Variants in IFT172 observed in about 807,000 individuals in gnomAD.
IFT172 encodes the protein intraflagellar transport protein 172 homolog.
In IFT172, 164 loss-of-function variants were observed where a neutral mutation model predicts 248.9. That is an observed-to-expected ratio of 0.66 (90% CI 0.58 to 0.75). The LOEUF (loss-of-function observed/expected upper bound fraction) is 0.75. Among genes scored for constraint, IFT172 ranks in the 30% least tolerant of loss-of-function variants. The pLI, the probability that IFT172 is intolerant of heterozygous loss-of-function variation, is 0.00. For synonymous variants in IFT172, 729 were observed against 791.6 expected (o/e 0.92, Z 1.33); for missense variants, 1,950 against 2,192.4 (o/e 0.89, Z 2.21).
chr2:27,470,281 G>C (rs1277039541), intron 16 of IFT172, among the ~76,000 whole-genome samples: 6 of 150,648 alleles, frequency 4.0e-5, no homozygotes, highest in Admixed American at 2.0e-4. Flanking sequence ...AAAAAAAAAA[G>C]AGAGGAAGAA....
chr2:27,464,543 G>C (rs1666937327), intron 18 of IFT172, among the ~76,000 whole-genome samples: 1 of 151,460 alleles, frequency 6.6e-6, no homozygotes, highest in South Asian at 2.1e-4. Context: ...TGAAGGGTAT[G>C]AATAGTAAAA....
chr2:27,453,698 G>A lies in IFT172; in HGVS notation c.3753C>T (p.Asp1251=). The A allele has an allele frequency of 6.2e-7, 1 of 1,612,354 alleles. No homozygotes were observed. Among genetic ancestry groups the A allele is most frequent in the Non-Finnish European group, 8.5e-7 (1 of 1,179,572 alleles). ...GAGCCTCCAGCTGGCTGGGCACATA[G>A]TCCTTGCAGATGCGCAGAGCGTCAC... The part of the protein sequence containing the change: ...LWSDALRICK[D]YVPSQLEALQ... The change falls in exon 34 of 48, where the codon GAC becomes GAT. Residue 1251 remains aspartate (D), a synonymous_variant. Coordinates refer to ENST00000260570, the MANE Select transcript of IFT172 (RefSeq NM_015662.3).
rs752828876 is a variant in IFT172, at chr2:27,453,946, C to T, written c.3711+36G>A. On this transcript the variant is annotated intron_variant, in intron 33 of 47. Transcript: ENST00000260570. Reference sequence around the variant, plus strand: ...CTCTCTGTGGGCTCTTACAAACTCTCCCCCTCCCCTCATGGCCCTGCATCC... The same window carrying T: ...CTCTCTGTGGGCTCTTACAAACTCTTCCCCTCCCCTCATGGCCCTGCATCC... 12 of 1,576,538 alleles carry T rather than the reference C, an allele frequency of 7.6e-6. No homozygotes were observed. In the South Asian group the frequency reaches 1.4e-4, roughly 18 times the overall value.
chr2:27,470,820 G>T, intron 16 of IFT172, 108 bp downstream of exon 16: 2 of 1,073,982 alleles, frequency 1.9e-6, no homozygotes, highest in Non-Finnish European at 1.3e-6. Flanking sequence ...TTCTATCACA[G>T]AGATTAAGGG....
Position 27,454,012 on chromosome 2 carries a change from C to G in IFT172, c.3681G>C (p.Gln1227His), listed in dbSNP as rs1346170761. 1.9e-6 allele frequency: 3 copies of G among 1,613,644 alleles called. No homozygotes were observed. The highest frequency in any genetic ancestry group is 2.5e-6 in the Non-Finnish European group (3 of 1,179,948). The change falls in exon 33 of 48, where the codon CAG (glutamine) becomes CAC (histidine). Residue 1227 changes from glutamine (Q) to histidine (H), a missense_variant. Physicochemically the swap from Gln to His is conservative, Grantham distance 24. Transcript: ENST00000260570. The surrounding 1 kb of genome is among the most constrained non-coding windows in gnomAD (Gnocchi z 4.2). ...QKAEGLLLRA[Q>H]RPGLALNYYK... ...AATAATTGAGGGCCAGGCCTGGTCT[C>G]TGGGCCCGGAGCAGCAGCCCTTCTG...
chr2:27,476,804 TG>T (rs777195262), intron 13 of IFT172, 78 bp from the exon 14 acceptor site: 3 of 808,130 alleles, frequency 3.7e-6, no homozygotes, highest in Non-Finnish European at 6.4e-6. Flanking sequence ...AAGTACCATA[TG>T]GGATGAAGCT....
Position 27,445,109 on chromosome 2 carries a change from T to A in IFT172, c.5069-4A>T. 1 of 1,613,632 alleles carries A rather than the reference T, an allele frequency of 6.2e-7. No individual in the cohort carries two copies. Among genetic ancestry groups the A allele is most frequent in the Non-Finnish European group, 8.5e-7 (1 of 1,179,888 alleles). ...TTGTTCCTCAGAATGGGGTATCCTG[T>A]GGAGGAAGAAAAAATGATGAACTGG... On this transcript the variant is annotated splice_region_variant and splice_polypyrimidine_tract_variant and intron_variant, in intron 46 of 47. Coordinates refer to ENST00000260570, the MANE Select transcript of IFT172 (RefSeq NM_015662.3). This position sits in a 1 kb window ranked among gnomAD's most constrained non-coding sequence, Gnocchi z 4.4.
At chr2:27,484,067 G>A in intron 4 of IFT172, 130 bp from the exon 5 acceptor site, 1 of 1,268,466 alleles carries the variant, frequency 7.9e-7, no homozygotes, top group Non-Finnish European at 1.1e-6. Context: ...GGGCTCTAAG[G>A]AAGACAGCAG....
chr2:27,446,498 G>GT lies in IFT172; in HGVS notation c.4660-144dup, dbSNP rs11430923. 0.36 allele frequency: 209,376 copies of GT among 574,678 alleles called. 28,799 individuals are homozygous for GT. Among genetic ancestry groups the GT allele is most frequent in the African/African-American group, 0.63 (32,018 of 51,112 alleles). 35.6% of individuals were successfully genotyped at this position (574,678 alleles called of 1,614,324 possible). On this transcript the variant is annotated intron_variant, in intron 42 of 47. Coordinates refer to ENST00000260570, the MANE Select transcript of IFT172 (RefSeq NM_015662.3). ...GATTCTCAAGCTGTTCTGGGTCTTA[G>GT]TTTTTTTTTTCTTTTTCTCTGAACA...
At position 27,471,044 on chromosome 2, in the gene IFT172, A is replaced by G; in HGVS notation, c.1576T>C (p.Cys526Arg). 1 of 1,613,080 alleles carries G rather than the reference A, an allele frequency of 6.2e-7. No homozygotes were observed. Among genetic ancestry groups the G allele is most frequent in the Non-Finnish European group, 8.5e-7 (1 of 1,179,752 alleles). Residue 526 changes from cysteine (C) to arginine (R), a missense_variant, in exon 16 of 48, where the codon TGC (cysteine) becomes CGC (arginine). By Grantham distance (180) the Cys-to-Arg change is radical (BLOSUM62 -3). Transcript: ENST00000260570. Reference sequence around the variant, plus strand: ...CCTGGGACCCACTGCATATAGGAGCAGAAGTTGAGGATCATTGTCTTAGAG... The same window carrying G: ...CCTGGGACCCACTGCATATAGGAGCGGAAGTTGAGGATCATTGTCTTAGAG... The part of the protein sequence containing the change: ...SCSKTMILNF[C>R]SYMQWVPGSD...
At chr2:27,459,550 T>C (rs945139959) in intron 24 of IFT172, 28 bp from the exon 25 acceptor site, 5 of 1,612,730 alleles carry the variant, frequency 3.1e-6, no homozygotes, top group Admixed American at 1.7e-5. Flanking sequence ...GATATAAATA[T>C]GTAGGATGAA....
At chr2:27,474,303 T>C (rs1349653048) in intron 14 of IFT172, among the ~76,000 whole-genome samples, 1 of 152,236 alleles carries the variant, frequency 6.6e-6, no homozygotes, top group East Asian at 1.9e-4. Context: ...TGCAACTATT[T>C]TAAGAATGGA....
At chr2:27,471,172 G>T in intron 15 of IFT172, 77 bp from the exon 16 acceptor site, 1 of 1,384,754 alleles carries the variant, frequency 7.2e-7, no homozygotes, top group Non-Finnish European at 1.0e-6. Flanking sequence ...TTTTCCTAAT[G>T]GTGAGATGTG....
rs773691500 is a variant in IFT172 at position 27,445,319 on chromosome 2, C to T, written c.5045G>A (p.Arg1682Gln). 26 of 1,612,880 alleles carry T rather than the reference C, an allele frequency of 1.6e-5. No homozygotes were observed. The highest frequency in any genetic ancestry group is 8.8e-5 in the South Asian group (8 of 90,942). Reference sequence around the variant, plus strand: ...ACCTGTAATAAGGCAGGGCAGGGCTCGAACACCAGTGCTCGCTGCCACTAG... The same window carrying T: ...ACCTGTAATAAGGCAGGGCAGGGCTTGAACACCAGTGCTCGCTGCCACTAG... ...ASLVAASTGVRALPCLITGYP... is the reference protein window; with the variant it reads ...ASLVAASTGVQALPCLITGYP... Residue 1682 changes from arginine (R) to glutamine (Q), a missense_variant, in exon 46 of 48, where the codon CGA becomes CAA. Coordinates refer to ENST00000260570, the MANE Select transcript of IFT172 (RefSeq NM_015662.3). This position sits in a 1 kb window ranked among gnomAD's most constrained non-coding sequence, Gnocchi z 4.4.
chr2:27,484,891 A>G, intron 3 of IFT172, 127 bp downstream of exon 3: 1 of 674,788 alleles, frequency 1.5e-6, no homozygotes, highest in Non-Finnish European at 2.7e-6. Context: ...AACAGACTCC[A>G]GAAAGTCTCT....
rs1246454433 is a variant in IFT172 at position 27,489,646 on chromosome 2, A to C, written c.8T>G (p.Leu3Trp). 2 of 1,612,382 alleles carry C rather than the reference A, an allele frequency of 1.2e-6. No homozygotes were observed. The highest frequency in any genetic ancestry group is 8.5e-7 in the Non-Finnish European group (1 of 1,178,892). The change falls in exon 1 of 48, where the codon TTG becomes TGG. Residue 3 changes from leucine to tryptophan, a missense_variant. By Grantham distance (61) the Leu-to-Trp change is moderately conservative. Around this residue, in one of 3 missense-constraint regions of IFT172, gnomAD observed 1,166 missense variants for 1,254.1 expected, o/e 0.93. Coordinates refer to ENST00000260570, the MANE Select transcript of IFT172 (RefSeq NM_015662.3). MH[L>W]KHLRTLLSPQ... ...GCTCAGCAGGGTCCTCAGGTGCTTC[A>C]AGTGCATGACGCACACCTGTCTTTC...
In IFT172 at chr2:27,457,750, C is replaced by T. The variant is rs1490665813; in HGVS notation, c.3117G>A (p.Leu1039=). ...SDTHLHLGKE[L]EAEGRLQEAE... ...CCTCCTGTAGTCGGCCTTCAGCCTC[C>T]AGCTCCTGCAGGAAGGTGAGTCAGG... Residue 1039 remains leucine, a synonymous_variant, in exon 29 of 48, where the codon CTG becomes CTA. Transcript: ENST00000260570. 6.2e-7 allele frequency: 1 copy of T among 1,614,160 alleles called. No homozygotes were observed. The highest frequency in any genetic ancestry group is 1.3e-5 in the African/African-American group (1 of 75,034).
intron 33 of IFT172, 63 bp downstream of exon 33, chr2:27,453,919 G>A: frequency 2.0e-6 from 3 of 1,521,864 alleles, no homozygotes; most frequent in Non-Finnish European, 2.7e-6. Context: ...GGGTCAGTGT[G>A]GCTCTCTGTG....
chr2:27,449,056 T>C (rs1042649387), intron 39 of IFT172, 25 bp from the exon 40 acceptor site: 2 of 1,359,336 alleles, frequency 1.5e-6, no homozygotes, highest in East Asian at 2.3e-5. Flanking sequence ...AGGAAAAGCA[T>C]GAGTGAGGCT....
Sources: allele counts gnomAD v4.1 joint callset (sites outside exome capture counted in the v4.1 genomes callset), GRCh38; gene constraint gnomAD v4.1.1; regional missense constraint gnomAD v4.1.1; non-coding constraint Gnocchi (gnomAD v3.1); transcripts MANE v1.5; gene names NCBI Gene and HGNC (gene_info 2026-07-23, HGNC 2026-07-21).